Variants in EP400 observed in about 807,000 individuals in gnomAD.
EP400 encodes the protein E1A-binding protein p400.
In EP400, 105 loss-of-function variants were observed where a neutral mutation model predicts 354.1. The observed-to-expected ratio is 0.30, with a 90% confidence interval of 0.25 to 0.35. The LOEUF (loss-of-function observed/expected upper bound fraction) is 0.35. Ranked by LOEUF, EP400 falls within the 10% of genes least tolerant of loss-of-function variation. EP400 has a pLI of 1.00. For synonymous variants in EP400, 1,646 were observed against 1,716.9 expected (o/e 0.96, Z 1.02); for missense variants, 3,280 against 4,121.0 (o/e 0.80, Z 5.59).
chr12:132,039,487 C>T (rs1439422649), intron 32 of EP400, among the ~76,000 whole-genome samples: 1 of 152,142 alleles, frequency 6.6e-6, no homozygotes, highest in Admixed American at 6.5e-5. Context: ...ACTCCCCCAG[C>T]CCCAGAGCGT....
rs1894110233 is a variant in EP400 at position 132,021,172 on chromosome 12, A to G, written c.4541A>G (p.His1514Arg). The G allele has an allele frequency of 1.2e-6, 2 of 1,601,146 alleles. No homozygotes were observed. The highest frequency in any genetic ancestry group is 1.7e-6 in the Non-Finnish European group (2 of 1,179,718). ...SASSTAASPA[H>R]PAKLRAQTTA... is the part of the protein sequence containing the mutation. ...TCCAGCACAGCCGCTAGCCCGGCCC[A>G]TCCTGCGAAACTGCGGGCCCAGACC... The change falls in exon 23 of 53, where the codon CAT (histidine) becomes CGT (arginine). Residue 1514 changes from histidine to arginine, a missense_variant. This residue lies in a region of EP400 where 342 missense variants were observed against 342.7 expected (regional missense o/e 1.00). Coordinates refer to ENST00000389561, the MANE Select transcript of EP400 (RefSeq NM_015409.5).
chr12:132,032,211 C>A, intron 30 of EP400, 62 bp downstream of exon 30: 1 of 1,511,366 alleles, frequency 6.6e-7, no homozygotes, highest in African/African-American at 1.4e-5. Context: ...CAGGTGAGGG[C>A]CTGCGGGGAT....
chr12:131,983,706 G>T (rs1409649897), intron 5 of EP400, among the ~76,000 whole-genome samples: 1 of 152,172 alleles, frequency 6.6e-6, no homozygotes, highest in Non-Finnish European at 1.5e-5. Flanking sequence ...TTGAAACAGG[G>T]TCTGGCTCTG....
intron 11 of EP400, among the ~76,000 whole-genome samples, chr12:131,993,853 A>G (rs756611666): frequency 6.6e-6 from 1 of 152,262 alleles, no homozygotes; most frequent in South Asian, 2.1e-4. Flanking sequence ...CATTGTTGGC[A>G]GAAACGGCAT....
At chr12:131,991,557 C>G in intron 10 of EP400, 101 bp downstream of exon 10, 2 of 933,556 alleles carry the variant, frequency 2.1e-6, no homozygotes, top group Non-Finnish European at 3.4e-6. Flanking sequence ...TAGGCTGTGA[C>G]TATTACTTCC....
Position 131,994,516 on chromosome 12 carries a change from G to A in EP400, c.2738-351G>A, listed in dbSNP as rs952419455. 3.3e-5 allele frequency among the ~76,000 whole-genome samples: 5 copies of A among 152,100 alleles called. No homozygotes were observed. Among genetic ancestry groups the A allele is most frequent in the East Asian group, 3.9e-4 (2 of 5,168 alleles). ...TGTTAGGCTGATGTGGCTGGGCCTC[G>A]TGAGATGGGCGATGATGACTTCACG... On this transcript the variant is annotated intron_variant, in intron 11 of 52. Transcript: ENST00000389561. The surrounding 1 kb of genome is among the most constrained non-coding windows in gnomAD (Gnocchi z 4.6).
Position 132,050,513 on chromosome 12 carries a change from A to G in EP400, c.7337+54A>G. 6.2e-7 allele frequency: 1 copy of G among 1,612,962 alleles called. No individual in the cohort carries two copies. Among genetic ancestry groups the G allele is most frequent in the South Asian group, 1.1e-5 (1 of 91,066 alleles). ...TCATTATGACTGAGTAGATTGCGTG[A>G]AGCTTGGTTTTGATGTGTTTTTAAC... is the stretch of plus-strand genomic sequence containing the variant. On this transcript the variant is annotated intron_variant, in intron 40 of 52. Transcript: ENST00000389561. This position sits in a 1 kb window ranked among gnomAD's most constrained non-coding sequence, Gnocchi z 4.8.
intron 12 of EP400, among the ~76,000 whole-genome samples, chr12:131,999,298 T>C (rs1217337788): frequency 6.6e-6 from 1 of 152,194 alleles, no homozygotes; most frequent in Non-Finnish European, 1.5e-5. Context: ...GGTGTGCTCT[T>C]CACTGCTGCT....
intron 12 of EP400, among the ~76,000 whole-genome samples, chr12:131,998,081 G>A (rs1257651630): frequency 6.6e-6 from 1 of 152,114 alleles, no homozygotes; most frequent in East Asian, 1.9e-4. Context: ...CAGCTCAGAC[G>A]TAAAACAGGT....
At chr12:132,051,834 C>T (rs569682846) in intron 41 of EP400, among the ~76,000 whole-genome samples, 5 of 152,142 alleles carry the variant, frequency 3.3e-5, no homozygotes, top group Admixed American at 6.5e-5. Flanking sequence ...CTCCCTTTCC[C>T]GGTCCACTAA....
intron 32 of EP400, among the ~76,000 whole-genome samples, chr12:132,040,823 G>A (rs975855557): frequency 1.2e-4 from 18 of 152,192 alleles, no homozygotes; most frequent in Non-Finnish European, 5.9e-5. Flanking sequence ...GGGAGCCCTT[G>A]GAAGGGTTTG....
chr12:132,011,216 T>C (rs1893752662), intron 15 of EP400, among the ~76,000 whole-genome samples: 1 of 152,172 alleles, frequency 6.6e-6, no homozygotes, highest in Non-Finnish European at 1.5e-5. Flanking sequence ...GAATGAACAC[T>C]AGTGTCTTCT....
Position 132,005,149 on chromosome 12 carries a change from C to T in EP400, c.2900C>T (p.Pro967Leu), listed in dbSNP as rs764847067. The T allele has an allele frequency of 1.0e-5, 16 of 1,584,104 alleles. No individual in the cohort carries two copies. The highest frequency in any genetic ancestry group is 1.8e-5 in the Admixed American group (1 of 55,210). Residue 967 changes from proline (P) to leucine (L), a missense_variant, in exon 13 of 53, where the codon CCG (proline) becomes CTG (leucine). Transcript: ENST00000389561. The part of the protein sequence containing the change: ...AFLPSSQWPR[P>L]KPDGEDTSGE... ...CTGCCGAGTTCTCAGTGGCCCCGGCCGAAGCCTGATGGGGAGGACACAAGC... is the reference window on the plus strand; with the variant it reads ...CTGCCGAGTTCTCAGTGGCCCCGGCTGAAGCCTGATGGGGAGGACACAAGC...
intron 45 of EP400, among the ~76,000 whole-genome samples, chr12:132,059,681 A>G (rs771025945): frequency 5.9e-5 from 9 of 152,224 alleles, no homozygotes; most frequent in Non-Finnish European, 8.8e-5. Context: ...AGGCCTGTAA[A>G]GATGTGCGAT....
chr12:132,061,678 C>G (rs374256533), intron 45 of EP400, among the ~76,000 whole-genome samples: 7 of 152,308 alleles, frequency 4.6e-5, no homozygotes, highest in African/African-American at 1.7e-4. Flanking sequence ...CCACAAGACC[C>G]CACGCACATG....
intron 5 of EP400, 74 bp downstream of exon 5, chr12:131,982,552 G>T: frequency 6.7e-7 from 1 of 1,502,148 alleles, no homozygotes; most frequent in Non-Finnish European, 8.9e-7. Context: ...TAGACAGAGT[G>T]TCACACCACA....
At position 132,053,386 on chromosome 12, in the gene EP400, A is replaced by G; in HGVS notation, c.7517A>G (p.Gln2506Arg). ...AAGGCACAGCAGCCGGCCGTGGCCCAGCCACCCCCGCCCCAGCCGCAGCCC... is the reference window on the plus strand; with the variant it reads ...AAGGCACAGCAGCCGGCCGTGGCCCGGCCACCCCCGCCCCAGCCGCAGCCC... The part of the protein sequence containing the change: ...QQKAQQPAVA[Q>R]PPPPQPQPPP... Residue 2506 changes from glutamine to arginine, a missense_variant, in exon 43 of 53, where the codon CAG becomes CGG. Physicochemically the swap from Gln to Arg is conservative, Grantham distance 43. Around this residue, in one of 20 missense-constraint regions of EP400, gnomAD observed 255 missense variants for 295.9 expected, o/e 0.86. Coordinates refer to ENST00000389561, the MANE Select transcript of EP400 (RefSeq NM_015409.5). 2 of 1,489,328 alleles carry G rather than the reference A, an allele frequency of 1.3e-6. No individual in the cohort carries two copies. Among genetic ancestry groups the G allele is most frequent in the Non-Finnish European group, 1.8e-6 (2 of 1,122,184 alleles). The allele number at this position is 1,489,328 out of a possible 1,614,324, so 92.3% of individuals were successfully genotyped here.
intron 30 of EP400, among the ~76,000 whole-genome samples, chr12:132,034,089 C>T (rs984589341): frequency 6.6e-6 from 1 of 152,056 alleles, no homozygotes; most frequent in African/African-American, 2.4e-5. Context: ...TTTCTTTTAA[C>T]AGTACATTAT....
intron 51 of EP400, 142 bp from the exon 52 acceptor site, chr12:132,076,374 G>A: frequency 1.2e-6 from 1 of 804,354 alleles, no homozygotes; most frequent in South Asian, 1.5e-5. Context: ...TGCTGCAGGT[G>A]GGCACACTAC....
Sources: gnomAD v4.1 joint callset for allele counts (sites outside exome capture counted in the v4.1 genomes callset) on GRCh38, gnomAD v4.1.1 for gene constraint, gnomAD v4.1.1 regional missense constraint, Gnocchi (gnomAD v3.1) non-coding constraint, MANE v1.5 for transcripts, NCBI Gene and HGNC (gene_info 2026-07-23, HGNC 2026-07-21) for gene names.